The following IL37 variants were observed in gnomAD, a reference collection of about 807,000 sequenced individuals.
IL37 encodes the protein interleukin 37.
Under a neutral mutation model 15.4 loss-of-function variants are expected in IL37, and 15 were observed. The observed-to-expected ratio is 0.98, with a 90% CI of 0.65 to 1.50. The LOEUF is 1.50. Among genes scored for constraint, IL37 ranks in the 40% most tolerant of loss-of-function variants. IL37 has a pLI of 0.00. For synonymous variants in IL37, 98 were observed against 97.4 expected, an observed-to-expected ratio of 1.01 and a Z score of -0.03; for missense variants, 269 against 261.7, an observed-to-expected ratio of 1.03 and a Z score of -0.19.
At chr2:112,918,313 GTC>G (rs113652399) in intron 5 of IL37, among the ~76,000 whole-genome samples, 85 of 148,370 alleles carry the variant, frequency 5.7e-4, no homozygotes, top group African/African-American at 1.6e-3. Flanking sequence ...TGACTCTTAC[GTC>G]TCTCTCTCTC....
chr2:112,914,416 C>T (rs1028894962), intron 3 of IL37, among the ~76,000 whole-genome samples: 3 of 152,308 alleles, frequency 2.0e-5, no homozygotes, highest in Non-Finnish European at 4.4e-5. Flanking sequence ...GGTACTATAA[C>T]GTCTGTCTGC....
intron 4 of IL37, 128 bp downstream of exon 4, chr2:112,917,376 C>A: frequency 1.8e-6 from 2 of 1,099,226 alleles, no homozygotes; most frequent in Non-Finnish European, 2.6e-6. Flanking sequence ...GGAGGAGAGG[C>A]CCCAGGGACT....
At chr2:112,913,155 C>A in intron 2 of IL37, 61 bp downstream of exon 2, 2 of 1,202,828 alleles carry the variant, frequency 1.7e-6, no homozygotes, top group Non-Finnish European at 2.3e-6. Flanking sequence ...CAGAACTTTG[C>A]TAGGTGCTGT....
chr2:112,918,756 T>G lies in IL37; in HGVS notation c.604T>G (p.Ser202Ala), dbSNP rs1335908042. The change falls in exon 6 of 6, where the codon TCA becomes GCA. Residue 202 changes from serine (S) to alanine (A), a missense_variant. Coordinates refer to ENST00000263326, the MANE Select transcript of IL37 (RefSeq NM_014439.4). The stretch of plus-strand genomic sequence containing the variant: ...TGAGAACAGGAAACACATTGAATTT[T>G]CATTTCAACCAGTTTGCAAAGCTGA... ...KFENRKHIEF[S>A]FQPVCKAEMS... The G allele has an allele frequency of 6.2e-7, 1 of 1,614,156 alleles. No individual in the cohort carries two copies. Among genetic ancestry groups the G allele is most frequent in the South Asian group, 1.1e-5 (1 of 91,076 alleles).
At chr2:112,915,150 A>C in intron 3 of IL37, 1 of 1,576,436 alleles carries the variant, frequency 6.3e-7, no homozygotes, top group Non-Finnish European at 8.7e-7. Context: ...AACACCACTT[A>C]AGAGGATAGT....
chr2:112,915,689 G>T (rs764065071), intron 3 of IL37, among the ~76,000 whole-genome samples: 2 of 152,218 alleles, frequency 1.3e-5, no homozygotes, highest in Non-Finnish European at 2.9e-5. Context: ...AGATTCTGAT[G>T]TAAGGCAGGG....
In IL37 at chr2:112,918,553, C is replaced by T. The variant is rs373240605; in HGVS notation, c.409-8C>T. The T allele has an allele frequency of 4.1e-5, 66 of 1,607,504 alleles. No individual in the cohort carries two copies. Among genetic ancestry groups the T allele is most frequent in the Middle Eastern group, 4.3e-4 (2 of 4,618 alleles). ...TGTGCTATCTAATTAATCCCTTTTACCTCACAGAAGGAGAAACTGATGAAG... is the reference window on the plus strand; with the variant it reads ...TGTGCTATCTAATTAATCCCTTTTATCTCACAGAAGGAGAAACTGATGAAG... On this transcript the variant is annotated splice_region_variant and splice_polypyrimidine_tract_variant and intron_variant, in intron 5 of 5. Coordinates refer to ENST00000263326, the MANE Select transcript of IL37 (RefSeq NM_014439.4).
chr2:112,917,780 G>C lies in IL37; in HGVS notation c.408+3G>C, dbSNP rs1407509893. 1 of 1,614,056 alleles carries C rather than the reference G, an allele frequency of 6.2e-7. No homozygotes were observed. Among genetic ancestry groups the C allele is most frequent in the Non-Finnish European group, 8.5e-7 (1 of 1,179,986 alleles). On this transcript the variant is annotated splice_donor_region_variant and intron_variant, in intron 5 of 5. Coordinates refer to ENST00000263326, the MANE Select transcript of IL37 (RefSeq NM_014439.4). ...GTCATCCATCCCTTCAGCTGAAGGT[G>C]AGAGTTCTAGCTCAGTTTCCTGGGC...
At chr2:112,912,766 G>T (rs1046056558) in intron 1 of IL37, among the ~76,000 whole-genome samples, 197 bp from the exon 2 acceptor site, 1 of 152,222 alleles carries the variant, frequency 6.6e-6, no homozygotes, top group Non-Finnish European at 1.5e-5. Flanking sequence ...TTAGCACTGT[G>T]ACTCAAGGTT....
At chr2:112,917,314 G>T in intron 4 of IL37, 66 bp downstream of exon 4, 1 of 1,568,142 alleles carries the variant, frequency 6.4e-7, no homozygotes, top group South Asian at 1.2e-5. Flanking sequence ...CTGCTAGGTG[G>T]GCTCAACTCC....
chr2:112,916,130 A>C (rs1683305629), intron 3 of IL37, among the ~76,000 whole-genome samples: 1 of 152,180 alleles, frequency 6.6e-6, no homozygotes, highest in Non-Finnish European at 1.5e-5. Flanking sequence ...GAAAAGAATG[A>C]CACCTTAGAC....
chr2:112,915,301 A>G, intron 3 of IL37: 1 of 1,545,394 alleles, frequency 6.5e-7, no homozygotes, highest in South Asian at 1.1e-5. Flanking sequence ...AGCTTCTTAA[A>G]AAGAGCATTT....
chr2:112,918,051 G>A (rs573515140), intron 5 of IL37, among the ~76,000 whole-genome samples: 4 of 152,174 alleles, frequency 2.6e-5, no homozygotes, highest in African/African-American at 9.6e-5. Flanking sequence ...GGCCCTGGGC[G>A]GGTGGCGGTC....
chr2:112,915,324 C>A, intron 3 of IL37: 1 of 1,314,420 alleles, frequency 7.6e-7, no homozygotes, highest in Non-Finnish European at 1.1e-6. Context: ...CAGTCTCACC[C>A]TGGACTAACT....
At chr2:112,917,524 G>T in intron 4 of IL37, 111 bp from the exon 5 acceptor site, 1 of 1,117,398 alleles carries the variant, frequency 8.9e-7, no homozygotes, top group Non-Finnish European at 1.3e-6. Context: ...GGGAGAAGTG[G>T]ACCACAGAGT....
chr2:112,915,083 C>A lies in IL37; in HGVS notation c.145+1229C>A. 7.5e-6 allele frequency: 7 copies of A among 932,938 alleles called. No individual in the cohort carries two copies. In the South Asian group the frequency reaches 9.4e-5, roughly 13 times the overall value. The allele number at this position is 932,938 out of a possible 1,614,324, so 57.8% of individuals were successfully genotyped here. Reference sequence around the variant, plus strand: ...AAAACAACTGCCAGCACCTTAAGACCACTCACACCTTCAGAGTGGCCTTGA... The same window carrying A: ...AAAACAACTGCCAGCACCTTAAGACAACTCACACCTTCAGAGTGGCCTTGA... On this transcript the variant is annotated intron_variant, in intron 3 of 5. Transcript: ENST00000263326.
Position 112,918,605 on chromosome 2 carries a change from C to G in IL37, c.453C>G (p.Arg151=). Residue 151 remains arginine, a synonymous_variant, in exon 6 of 6, where the codon CGC becomes CGG. Transcript: ENST00000263326. ...MKLAAQKESA[R]RPFIFYRAQV... is the part of the protein sequence containing the mutation. ...TGGCTGCCCAAAAGGAATCAGCACG[C>G]CGGCCCTTCATCTTTTATAGGGCTC... is the stretch of plus-strand genomic sequence containing the variant. 1.9e-6 allele frequency: 3 copies of G among 1,613,412 alleles called. No homozygotes were observed. Among genetic ancestry groups the G allele is most frequent in the Non-Finnish European group, 2.5e-6 (3 of 1,179,960 alleles).
In IL37 at chr2:112,917,131, C is replaced by T. The variant is rs749293309; in HGVS notation, c.148C>T (p.Pro50Ser). 23 of 1,613,536 alleles carry T rather than the reference C, an allele frequency of 1.4e-5. No individual in the cohort carries two copies. The change falls in exon 4 of 6, where the codon CCA (proline) becomes TCA (serine). Residue 50 changes from proline (P) to serine (S), a missense_variant and splice_region_variant. Physicochemically the swap from Pro to Ser is moderately conservative, Grantham distance 74. Coordinates refer to ENST00000263326, the MANE Select transcript of IL37 (RefSeq NM_014439.4). ...LPTMNFVHTS[P>S]KVKNLNPKKF... ...GATATCTGGTGATATTGATCTAGGT[C>T]CAAAGGTGAAGAACTTAAACCCGAA...
At chr2:112,915,195 G>A (rs759991909) in intron 3 of IL37, 2 of 1,613,846 alleles carry the variant, frequency 1.2e-6, no homozygotes, top group South Asian at 1.1e-5. Context: ...GAGATCCTAT[G>A]TCAGGCTGTG....
Sources: gnomAD v4.1 joint callset for allele counts (sites outside exome capture counted in the v4.1 genomes callset) on GRCh38, gnomAD v4.1.1 for gene constraint, MANE v1.5 for transcripts, NCBI Gene and HGNC (gene_info 2026-07-23, HGNC 2026-07-21) for gene names.